The following MICAL2 variants were observed in gnomAD, a reference collection of about 807,000 sequenced individuals.
The protein encoded by MICAL2 is microtubule associated monooxygenase, calponin and LIM domain containing 2.
Under a neutral mutation model 127.3 loss-of-function variants are expected in MICAL2, and 77 were observed. That is an observed-to-expected ratio of 0.60 (90% CI 0.50 to 0.73). The LOEUF is 0.73. Among genes scored for constraint, MICAL2 ranks in the 30% least tolerant of loss-of-function variants. The pLI is 0.00. For missense variants in MICAL2, 1,351 were observed against 1,434.4 expected, an observed-to-expected ratio of 0.94 and a Z score of 0.94; for synonymous variants, 570 against 551.1, an observed-to-expected ratio of 1.03 and a Z score of -0.48.
intron 8 of MICAL2, among the ~76,000 whole-genome samples, chr11:12,217,453 G>A (rs1244879583): frequency 1.3e-5 from 2 of 152,184 alleles, no homozygotes; most frequent in African/African-American, 2.4e-5. Flanking sequence ...ATGGGTGGGC[G>A]ATGGGCTTCA....
At chr11:12,181,852 C>T (rs1367705233) in intron 3 of MICAL2, among the ~76,000 whole-genome samples, 1 of 152,210 alleles carries the variant, frequency 6.6e-6, no homozygotes, top group Non-Finnish European at 1.5e-5. Flanking sequence ...TTTTTAATTT[C>T]CTGGGGTCTG....
rs1565312786 is a variant in MICAL2 at position 12,349,979 on chromosome 11, A to G, written c.5615+42A>G. ...AGATACCAGCGAGTCCTAAAAGCAA[A>G]GGGGCAAAGGGGGGTGGCTTACCCT... On this transcript the variant is annotated intron_variant, in intron 33 of 34. Coordinates refer to the MICAL2 transcript ENST00000646065. 3.9e-6 allele frequency: 6 copies of G among 1,545,356 alleles called. No individual in the cohort carries two copies. In the South Asian group the frequency reaches 5.6e-5, roughly 14 times the overall value.
At position 12,338,468 on chromosome 11, in the gene MICAL2, T is replaced by C. The variant is rs571885355; in HGVS notation, c.5515+11202T>C. Among the ~76,000 whole-genome samples the C allele has an allele frequency of 1.7e-4, 26 of 152,302 alleles. 1 individual carries two copies. In the East Asian group the frequency reaches 4.2e-3, roughly 25 times the overall value. The stretch of plus-strand genomic sequence containing the variant: ...AGCCCATTTACGTTTAAGGGTAATA[T>C]TGTTATGTGTGAATTTGATCCTGTC... On this transcript the variant is annotated intron_variant, in intron 32 of 34. Coordinates refer to the MICAL2 transcript ENST00000646065.
chr11:12,241,609 G>A (rs923495400), intron 18 of MICAL2, among the ~76,000 whole-genome samples: 3 of 152,246 alleles, frequency 2.0e-5, no homozygotes, highest in Non-Finnish European at 2.9e-5. Context: ...CAGAGTAGCT[G>A]AGGACCTGCA....
chr11:12,349,782 T>C, intron 32 of MICAL2: 2 of 1,561,922 alleles, frequency 1.3e-6, no homozygotes, highest in Non-Finnish European at 1.8e-6. Context: ...CAAAGCAGTT[T>C]GATCATGGGG....
chr11:12,299,379 G>A (rs1864020816), intron 29 of MICAL2, among the ~76,000 whole-genome samples: 1 of 152,154 alleles, frequency 6.6e-6, no homozygotes, highest in Non-Finnish European at 1.5e-5. Context: ...ATGCAATGGA[G>A]AGAGAAAACA....
At chr11:12,191,590 C>T (rs1475512511) in intron 3 of MICAL2, among the ~76,000 whole-genome samples, 2 of 151,894 alleles carry the variant, frequency 1.3e-5, no homozygotes, top group African/African-American at 2.4e-5. Context: ...ATGGTGAAAC[C>T]CTGTCTCTAC....
chr11:12,222,725 C>G lies in MICAL2; in HGVS notation c.1431C>G (p.His477Gln). 6.2e-7 allele frequency: 1 copy of G among 1,614,208 alleles called. No individual in the cohort carries two copies. The highest frequency in any genetic ancestry group is 8.5e-7 in the Non-Finnish European group (1 of 1,180,030). The change falls in exon 11 of 28, where the codon CAC becomes CAG. Residue 477 changes from histidine to glutamine, a missense_variant. This residue lies in a region of MICAL2 where 599 missense variants were observed against 714.9 expected (regional missense o/e 0.84). Transcript: ENST00000683283. Reference sequence around the variant, plus strand: ...CACGGTACCCAAACCTCAACTCACACTGTGTCAGGCCCCATCAGGCAAGTC... The same window carrying G: ...CACGGTACCCAAACCTCAACTCACAGTGTGTCAGGCCCCATCAGGCAAGTC... The part of the protein sequence containing the change: ...PGTRYPNLNS[H>Q]CVRPHQVKHL...
intron 32 of MICAL2, among the ~76,000 whole-genome samples, chr11:12,334,163 G>C (rs1172724432): frequency 6.6e-6 from 1 of 152,150 alleles, no homozygotes; most frequent in Non-Finnish European, 1.5e-5. Context: ...GTCACACTCT[G>C]TTATCCACAG....
chr11:12,278,092 G>A (rs1455806786), intron 1 of MICAL2, among the ~76,000 whole-genome samples: 1 of 152,224 alleles, frequency 6.6e-6, no homozygotes, highest in Non-Finnish European at 1.5e-5. Flanking sequence ...GTGAGTGGGT[G>A]AGTGGTGTGT....
downstream of MICAL2, chr11:12,294,235 C>T: frequency 6.2e-7 from 1 of 1,614,130 alleles, no homozygotes; most frequent in Non-Finnish European, 8.5e-7. Flanking sequence ...CACCCAAGTC[C>T]CCACTGCGGC....
At chr11:12,301,265 G>C (rs1367956047) in intron 29 of MICAL2, among the ~76,000 whole-genome samples, 3 of 152,190 alleles carry the variant, frequency 2.0e-5, no homozygotes, top group Admixed American at 2.0e-4. Flanking sequence ...TGAGATTTGG[G>C]TGGGTACACA....
intron 2 of MICAL2, among the ~76,000 whole-genome samples, chr11:12,138,966 A>G (rs138461452): frequency 1.9e-3 from 294 of 152,262 alleles, no homozygotes; most frequent in African/African-American, 6.4e-3. Context: ...GAGGAGTCAG[A>G]TAGCCTGCCA....
intron 32 of MICAL2, among the ~76,000 whole-genome samples, chr11:12,341,708 T>A (rs1938868871): frequency 6.6e-6 from 1 of 152,080 alleles, no homozygotes; most frequent in Non-Finnish European, 1.5e-5. Flanking sequence ...ATGCCTGTAG[T>A]CCCAGCTACT....
intron 22 of MICAL2, among the ~76,000 whole-genome samples, chr11:12,252,131 A>G (rs375165360): frequency 3.3e-5 from 5 of 152,130 alleles, no homozygotes; most frequent in African/African-American, 1.2e-4. Flanking sequence ...AGTCCTTTGT[A>G]TCCTATAGCC....
chr11:12,112,980 C>A (rs1849719498), intron 1 of MICAL2, among the ~76,000 whole-genome samples: 1 of 151,994 alleles, frequency 6.6e-6, no homozygotes, highest in African/African-American at 2.4e-5. Flanking sequence ...CTTTGCTTCC[C>A]ACTGCTGAAG....
exon 30 of MICAL2, chr11:12,319,751 T>C: frequency 6.2e-7 from 1 of 1,614,194 alleles, no homozygotes; most frequent in Non-Finnish European, 8.5e-7. Context: ...CTTCTGCCTC[T>C]TCAACCTCCT....
chr11:12,332,093 T>C, intron 32 of MICAL2, among the ~76,000 whole-genome samples: 1 of 152,022 alleles, frequency 6.6e-6, no homozygotes, highest in Non-Finnish European at 1.5e-5. Flanking sequence ...AAAACAGTAA[T>C]GCAATAAAAG....
chr11:12,218,460 C>A (rs375185205), intron 8 of MICAL2, among the ~76,000 whole-genome samples: 1 of 152,240 alleles, frequency 6.6e-6, no homozygotes, highest in African/African-American at 2.4e-5. Context: ...TCCCCACTCT[C>A]CTGCATGAGG....
Sources: gnomAD v4.1 joint callset for allele counts (sites outside exome capture counted in the v4.1 genomes callset) on GRCh38, gnomAD v4.1.1 for gene constraint, gnomAD v4.1.1 regional missense constraint, MANE v1.5 for transcripts, NCBI Gene and HGNC (gene_info 2026-07-23, HGNC 2026-07-21) for gene names.